GRID2: variants seen among roughly 807,000 people sequenced by gnomAD.
GRID2 encodes glutamate receptor ionotropic, delta-2.
GRID2 carries 33 observed loss-of-function variants against 114.8 expected under a neutral mutation model. The observed-to-expected ratio is 0.29, with a 90% CI of 0.22 to 0.38. The LOEUF (loss-of-function observed/expected upper bound fraction) is 0.38, where lower values mean the gene tolerates loss of function less well. Among genes scored for constraint, GRID2 ranks in the 10% least tolerant of loss-of-function variants. The pLI, the probability that GRID2 is intolerant of heterozygous loss-of-function variation, is 1.00. For missense variants in GRID2, 1,184 were observed against 1,257.7 expected (o/e 0.94, Z 0.89); for synonymous variants, 505 against 449.9 (o/e 1.12, Z -1.55).
intron 2 of GRID2, among the ~76,000 whole-genome samples, chr4:92,778,329 G>A (rs923133645): frequency 7.2e-5 from 11 of 152,064 alleles, no homozygotes; most frequent in Admixed American, 5.9e-4. Context: ...CTTTTTGAAA[G>A]TTTTCATGAA....
At chr4:93,423,296 AT>A (rs1309414760) in intron 10 of GRID2, among the ~76,000 whole-genome samples, 1 of 151,290 alleles carries the variant, frequency 6.6e-6, no homozygotes, top group African/African-American at 2.4e-5. Flanking sequence ...TGAAATCACA[AT>A]GTAAGTTACA....
intron 2 of GRID2, among the ~76,000 whole-genome samples, chr4:93,053,165 C>T (rs183567824): frequency 2.0e-5 from 3 of 151,828 alleles, no homozygotes; most frequent in Non-Finnish European, 4.4e-5. Flanking sequence ...GTTCTTAAAG[C>T]GTTGTCCCAG....
chr4:92,590,740 T>C (rs1029970903), intron 2 of GRID2, among the ~76,000 whole-genome samples: 2 of 152,130 alleles, frequency 1.3e-5, no homozygotes, highest in African/African-American at 4.8e-5. Context: ...AGATTTTGTA[T>C]TAGGACTCTA....
chr4:92,313,326 G>A (rs1009757630), intron 1 of GRID2, among the ~76,000 whole-genome samples: 5 of 151,974 alleles, frequency 3.3e-5, no homozygotes, highest in Non-Finnish European at 4.4e-5. Context: ...GGGGACTTGC[G>A]AAGAAGGGTT....
chr4:92,589,089 G>A (rs1728591654), intron 1 of GRID2, among the ~76,000 whole-genome samples: 1 of 152,154 alleles, frequency 6.6e-6, no homozygotes, highest in South Asian at 2.1e-4. Context: ...CTAGGCGACA[G>A]AACAAGACTC....
intron 1 of GRID2, among the ~76,000 whole-genome samples, chr4:92,334,889 G>A (rs1727084619): frequency 1.3e-5 from 2 of 152,228 alleles, no homozygotes; most frequent in South Asian, 4.1e-4. Context: ...ACAGAGCCAA[G>A]TTTTGATAGT....
chr4:93,209,086 G>T (rs1233472783), intron 5 of GRID2, among the ~76,000 whole-genome samples: 1 of 151,834 alleles, frequency 6.6e-6, no homozygotes, highest in Non-Finnish European at 1.5e-5. Flanking sequence ...GGTTGGTTTT[G>T]TTTTGTTTTT....
chr4:93,133,631 AT>A (rs964146136), intron 4 of GRID2, among the ~76,000 whole-genome samples: 8 of 151,732 alleles, frequency 5.3e-5, no homozygotes, highest in Admixed American at 6.6e-5. Flanking sequence ...ATTTAAATGG[AT>A]TTTTTTTTCT....
At chr4:93,500,959 T>C (rs748975804) in intron 12 of GRID2, among the ~76,000 whole-genome samples, 6 of 152,032 alleles carry the variant, frequency 3.9e-5, no homozygotes, top group Non-Finnish European at 8.8e-5. Context: ...TTACACCCTG[T>C]ATTGGAATAC....
chr4:92,729,092 C>T (rs1324950035), intron 2 of GRID2, among the ~76,000 whole-genome samples: 1 of 151,972 alleles, frequency 6.6e-6, no homozygotes, highest in Non-Finnish European at 1.5e-5. Context: ...TCTGGCCTTG[C>T]TTATATTATT....
chr4:93,562,944 T>C (rs539512358), intron 13 of GRID2, among the ~76,000 whole-genome samples: 1 of 152,156 alleles, frequency 6.6e-6, no homozygotes, highest in South Asian at 2.1e-4. Flanking sequence ...AGCTTTATGG[T>C]AAGTCTTAAA....
At chr4:93,546,051 G>A (rs1199168487) in intron 13 of GRID2, among the ~76,000 whole-genome samples, 1 of 152,198 alleles carries the variant, frequency 6.6e-6, no homozygotes, top group Non-Finnish European at 1.5e-5. Flanking sequence ...ATATTCAAAT[G>A]TGCTTCATGT....
chr4:93,433,894 G>A (rs991219234), intron 10 of GRID2, among the ~76,000 whole-genome samples: 16 of 152,162 alleles, frequency 1.1e-4, no homozygotes, highest in African/African-American at 3.9e-4. Flanking sequence ...AAACTCTATG[G>A]TTTACTGCAA....
At position 93,469,249 on chromosome 4, in the gene GRID2, T is replaced by C. The variant is rs187497548; in HGVS notation, c.1858+13275T>C. On this transcript the variant is annotated intron_variant, in intron 11 of 15. Transcript: ENST00000282020. ...CTTCTCAATCAACCTAGTTTCTTTC[T>C]GGGAAGAATAAATGCTATTTCACAA... Among the ~76,000 whole-genome samples the C allele has an allele frequency of 4.8e-3, 723 of 152,188 alleles. 10 individuals carry two copies. Among genetic ancestry groups the C allele is most frequent in the African/African-American group, 0.017 (687 of 41,550 alleles).
At chr4:92,352,290 C>A (rs544778564) in intron 1 of GRID2, among the ~76,000 whole-genome samples, 36 of 151,578 alleles carry the variant, frequency 2.4e-4, no homozygotes, top group African/African-American at 8.5e-4. Flanking sequence ...TCTATGTCTT[C>A]TTTTAGAAAT....
At chr4:93,246,699 T>G (rs1748253323) in intron 8 of GRID2, among the ~76,000 whole-genome samples, 1 of 152,162 alleles carries the variant, frequency 6.6e-6, no homozygotes, top group Admixed American at 6.5e-5. Flanking sequence ...TATATAATCA[T>G]TATACATTTA....
intron 2 of GRID2, among the ~76,000 whole-genome samples, chr4:92,792,801 T>A (rs749515701): frequency 6.6e-6 from 1 of 151,680 alleles, no homozygotes; most frequent in African/African-American, 2.4e-5. Flanking sequence ...AGTACTAAAC[T>A]AATTGAGTAT....
chr4:93,355,807 A>G (rs1761280123), intron 8 of GRID2, among the ~76,000 whole-genome samples: 1 of 152,066 alleles, frequency 6.6e-6, no homozygotes, highest in African/African-American at 2.4e-5. Flanking sequence ...TTTTACTTCA[A>G]CTCACAATTC....
chr4:92,496,434 A>G (rs1363725851), intron 1 of GRID2, among the ~76,000 whole-genome samples: 1 of 151,932 alleles, frequency 6.6e-6, no homozygotes, highest in Non-Finnish European at 1.5e-5. Flanking sequence ...AAGATTTAGC[A>G]GAACTTGCCT....
Sources: allele counts gnomAD v4.1 joint callset (sites outside exome capture counted in the v4.1 genomes callset), GRCh38; gene constraint gnomAD v4.1.1; transcripts MANE v1.5; gene names NCBI Gene and HGNC (gene_info 2026-07-23, HGNC 2026-07-21).